SYNPR: variants seen among roughly 807,000 people sequenced by gnomAD.
SYNPR encodes synaptoporin.
Under a neutral mutation model 32.9 loss-of-function variants are expected in SYNPR, and 23 were observed. The observed-to-expected ratio is 0.70, with a 90% CI of 0.50 to 0.99. The LOEUF is 0.99. SYNPR is among the 50% of genes least tolerant of loss of function. The pLI, the probability that SYNPR is intolerant of heterozygous loss-of-function variation, is 0.00. For missense variants in SYNPR, 318 were observed against 349.3 expected (o/e 0.91, Z 0.71); for synonymous variants, 146 against 135.9 (o/e 1.07, Z -0.52).
chr3:63,317,684 G>A (rs1230771523), intron 2 of SYNPR, among the ~76,000 whole-genome samples: 2 of 151,984 alleles, frequency 1.3e-5, no homozygotes, highest in Non-Finnish European at 2.9e-5. Context: ...TATTCATTCT[G>A]TAGTTCTGTA....
intron 2 of SYNPR, among the ~76,000 whole-genome samples, chr3:63,393,491 C>CTTTTTTTTTTTTT (rs1482584312): frequency 4.3e-5 from 5 of 116,616 alleles, no homozygotes; most frequent in African/African-American, 1.1e-4. Context: ...TTCTTTCTTT[C>CTTTTTTTTTTTTT]TTCTCTTTTT....
At position 63,397,103 on chromosome 3, in the gene SYNPR, C is replaced by CA. The variant is rs10601486; in HGVS notation, c.85-83707dup. Reference sequence around the variant, plus strand: ...TGGGCAACAGAGCGAGACTCCGTCTCAAAAAAAAAAAAAAAAAAAAAATTC... The same window carrying CA: ...TGGGCAACAGAGCGAGACTCCGTCTCAAAAAAAAAAAAAAAAAAAAAAATTC... On this transcript the variant is annotated intron_variant, in intron 2 of 5. Coordinates refer to ENST00000478300, the MANE Select transcript of SYNPR (RefSeq NM_001130003.2). Among the ~76,000 whole-genome samples the CA allele has an allele frequency of 9.6e-3, 953 of 98,972 alleles. 13 individuals carry two copies. The highest frequency in any genetic ancestry group is 0.073 in the South Asian group (224 of 3,068). 64.9% of individuals were successfully genotyped at this position (98,972 alleles called of 152,430 possible).
At chr3:63,539,669 A>G (rs1702265488) in intron 3 of SYNPR, among the ~76,000 whole-genome samples, 1 of 152,162 alleles carries the variant, frequency 6.6e-6, no homozygotes, top group Non-Finnish European at 1.5e-5. Context: ...ACAAAGACCT[A>G]GGCACAAGGA....
intron 4 of SYNPR, among the ~76,000 whole-genome samples, chr3:63,573,424 A>G (rs1702924848): frequency 6.6e-6 from 1 of 152,184 alleles, no homozygotes; most frequent in African/African-American, 2.4e-5. Context: ...AAGACCGTTA[A>G]GAGGCTGATT....
chr3:63,207,682 A>G, the SYNPR span, among the ~76,000 whole-genome samples: 6 of 152,320 alleles, frequency 3.9e-5, no homozygotes, highest in South Asian at 4.1e-4. Flanking sequence ...TTAGAAAGGA[A>G]AACTCTGAGA....
chr3:63,404,765 G>A (rs1194268681), intron 2 of SYNPR, among the ~76,000 whole-genome samples: 1 of 151,952 alleles, frequency 6.6e-6, no homozygotes, highest in Non-Finnish European at 1.5e-5. Flanking sequence ...TATTTTGAAA[G>A]TACTCTCCTT....
intron 4 of SYNPR, 139 bp downstream of exon 4, chr3:63,556,880 C>T (rs879616607): frequency 4.9e-5 from 43 of 873,060 alleles, no homozygotes; most frequent in Non-Finnish European, 6.7e-5. Context: ...CCAAATCTCT[C>T]GAAGCCACAA....
chr3:63,520,937 T>TA (rs61615290), intron 3 of SYNPR, among the ~76,000 whole-genome samples: 143,662 of 152,278 alleles, frequency 0.94, 67,847 homozygotes, highest in East Asian at 1. Context: ...CCGTTTTTTG[T>TA]AAGGCCAAAT....
chr3:63,416,562 A>C (rs1560224276), intron 2 of SYNPR, among the ~76,000 whole-genome samples: 1 of 151,498 alleles, frequency 6.6e-6, no homozygotes, highest in Non-Finnish European at 1.5e-5. Context: ...ACCAAAAAAA[A>C]ACACAGAAGT....
chr3:63,296,052 G>A (rs2086789247), intron 2 of SYNPR, among the ~76,000 whole-genome samples: 1 of 152,196 alleles, frequency 6.6e-6, no homozygotes, highest in Admixed American at 6.5e-5. Context: ...TTGGGAGCCA[G>A]GCAGGTAATG....
chr3:63,225,757 A>G (rs2086123940), upstream of SYNPR, among the ~76,000 whole-genome samples: 1 of 152,246 alleles, frequency 6.6e-6, no homozygotes, highest in South Asian at 2.1e-4. Context: ...AAGATTTTAT[A>G]GCAAAGACCT....
chr3:63,391,423 C>G (rs1237452284), intron 2 of SYNPR, among the ~76,000 whole-genome samples: 1 of 152,198 alleles, frequency 6.6e-6, no homozygotes. Flanking sequence ...TCTATAATCA[C>G]CATTGTCTGA....
intron 2 of SYNPR, among the ~76,000 whole-genome samples, chr3:63,403,072 T>C (rs2088313265): frequency 6.6e-6 from 1 of 152,196 alleles, no homozygotes; most frequent in Non-Finnish European, 1.5e-5. Flanking sequence ...ATTGTGTCAA[T>C]AGTTTACTTC....
intron 2 of SYNPR, among the ~76,000 whole-genome samples, chr3:63,393,892 G>A (rs1257628554): frequency 2.0e-5 from 3 of 151,972 alleles, no homozygotes; most frequent in East Asian, 1.9e-4. Context: ...TTGCTGCCTC[G>A]TTGTTGGAGA....
intron 4 of SYNPR, among the ~76,000 whole-genome samples, chr3:63,587,013 C>CTCT (rs998963145): frequency 2.0e-4 from 30 of 152,080 alleles, no homozygotes; most frequent in Admixed American, 1.2e-3. Flanking sequence ...AGGTTTGAAG[C>CTCT]TCTACCTATG....
chr3:63,320,795 C>A (rs1293801834), intron 2 of SYNPR, among the ~76,000 whole-genome samples: 1 of 152,028 alleles, frequency 6.6e-6, no homozygotes, highest in Non-Finnish European at 1.5e-5. Context: ...GGGGCAGATA[C>A]AAATTTTAAT....
intron 3 of SYNPR, among the ~76,000 whole-genome samples, chr3:63,528,628 G>A (rs1702058828): frequency 7.2e-6 from 1 of 138,610 alleles, no homozygotes; most frequent in Admixed American, 7.8e-5. Context: ...TATGTAAGAA[G>A]ATGCATTTTT....
intron 2 of SYNPR, among the ~76,000 whole-genome samples, chr3:63,441,190 C>T (rs547870854): frequency 6.6e-6 from 1 of 152,110 alleles, no homozygotes; most frequent in East Asian, 1.9e-4. Context: ...AATTGTAACT[C>T]GTAGTTTTGT....
chr3:63,564,021 G>T (rs899042428), intron 4 of SYNPR, among the ~76,000 whole-genome samples: 2 of 150,014 alleles, frequency 1.3e-5, no homozygotes, highest in African/African-American at 4.9e-5. Flanking sequence ...AGGTTGGTGA[G>T]CAAGGCAAAT....
Sources: gnomAD v4.1 joint callset for allele counts (sites outside exome capture counted in the v4.1 genomes callset) on GRCh38, gnomAD v4.1.1 for gene constraint, MANE v1.5 for transcripts, NCBI Gene and HGNC (gene_info 2026-07-23, HGNC 2026-07-21) for gene names.